The following MRO variants were observed in gnomAD, a reference collection of about 807,000 sequenced individuals.
MRO encodes the protein protein maestro.
MRO carries 28 observed loss-of-function variants against 31.0 expected under a neutral mutation model. The observed-to-expected ratio is 0.90, with a 90% CI of 0.67 to 1.24. The LOEUF is 1.24. Among genes scored for constraint, MRO ranks in the 50% most tolerant of loss-of-function variants. The pLI, the probability that MRO is intolerant of heterozygous loss-of-function variation, is 0.00. For missense variants in MRO, 332 were observed against 289.2 expected (o/e 1.15, Z -1.07); for synonymous variants, 108 against 108.4 (o/e 1.00, Z 0.02).
chr18:50,811,883 A>C (rs1438404655), intron 2 of MRO, among the ~76,000 whole-genome samples: 1 of 150,766 alleles, frequency 6.6e-6, no homozygotes, highest in Non-Finnish European at 1.5e-5. Flanking sequence ...CTGGGATTAC[A>C]GGCGTACGCC....
chr18:50,805,369 C>T, intron 4 of MRO, 33 bp from the exon 5 acceptor site: 1 of 1,596,656 alleles, frequency 6.3e-7, no homozygotes, highest in Non-Finnish European at 8.6e-7. Context: ...AGTAATAGCA[C>T]AGGAACTGCT....
At chr18:50,803,909 G>A (rs1221122069) in intron 5 of MRO, among the ~76,000 whole-genome samples, 7 of 152,210 alleles carry the variant, frequency 4.6e-5, no homozygotes, top group Non-Finnish European at 7.3e-5. Context: ...CAGAATAACT[G>A]GCAGGCTAAC....
At chr18:50,822,284 T>TTTAGACAGGAGATAAGG (rs1440612905), upstream of MRO, among the ~76,000 whole-genome samples, 1 of 71,800 alleles carries the variant, frequency 1.4e-5, no homozygotes, top group Non-Finnish European at 3.6e-5. Flanking sequence ...ATTCACCTTG[T>TTTAGACAGGAGATAAGG]ATGTGAATTA....
At chr18:50,809,142 CTCAAAAAAAAA>C (rs1463926749) in intron 3 of MRO, among the ~76,000 whole-genome samples, 149 bp downstream of exon 3, 6 of 66,446 alleles carry the variant, frequency 9.0e-5, no homozygotes, top group Non-Finnish European at 1.2e-4. Context: ...GAGACTCCGT[CTCAAAAAAAAA>C]AAAAAAAAAA....
At position 50,799,149 on chromosome 18, in the gene MRO, A is replaced by G; in HGVS notation, c.*188T>C. On this transcript the variant is annotated 3_prime_UTR_variant, in exon 8 of 8. Transcript: ENST00000398439. ...ATGAAATAAGTGAAAGCAGTCTAGA[A>G]TTTTACTTTAGATAAAATCATACAA... 1 of 569,192 alleles carries G rather than the reference A, an allele frequency of 1.8e-6. No individual in the cohort carries two copies. The highest frequency in any genetic ancestry group is 3.2e-6 in the Non-Finnish European group (1 of 316,644). The allele number at this position is 569,192 out of a possible 1,614,324, so 35.3% of individuals were successfully genotyped here.
Position 50,804,829 on chromosome 18 carries a change from A to G in MRO, c.429+325T>C, listed in dbSNP as rs547929733. ...TTTATTTGAGAGGGAGTCTTGCTCT[A>G]TTGCCAGGCTGGAGTGCAGTGGCGT... On this transcript the variant is annotated intron_variant, in intron 5 of 7. Coordinates refer to ENST00000398439, the MANE Select transcript of MRO (RefSeq NM_031939.6). Among the ~76,000 whole-genome samples, 4 of 151,314 alleles carry G rather than the reference A, an allele frequency of 2.6e-5. No homozygotes were observed. In the South Asian group the frequency reaches 6.4e-4, roughly 24 times the overall value.
intron 3 of MRO, among the ~76,000 whole-genome samples, 164 bp from the exon 4 acceptor site, chr18:50,807,014 G>T (rs1914011986): frequency 6.6e-6 from 1 of 152,042 alleles, no homozygotes; most frequent in African/African-American, 2.4e-5. Flanking sequence ...GTACTCATTT[G>T]GTCTACATAA....
In MRO at chr18:50,809,287, T is replaced by C; in HGVS notation, c.99+15A>G. 2 of 1,596,208 alleles carry C rather than the reference T, an allele frequency of 1.3e-6. 1 individual carries two copies. The highest frequency in any genetic ancestry group is 3.3e-4 in the Middle Eastern group (2 of 6,026). On this transcript the variant is annotated intron_variant, in intron 3 of 7. Transcript: ENST00000398439. ...GCTGGGAGGAGAAATTTGTTCATAA[T>C]ATTTTGTGTCAGACCTTGGAAAAGA...
chr18:50,817,494 A>AAAAAAT, intron 2 of MRO, among the ~76,000 whole-genome samples: 1 of 150,246 alleles, frequency 6.7e-6, no homozygotes, highest in South Asian at 2.1e-4. Flanking sequence ...TCCTGTCTCT[A>AAAAAAT]AAAAATAAAA....
At chr18:50,824,911 C>T (rs1915456651), upstream of MRO, among the ~76,000 whole-genome samples, 1 of 150,978 alleles carries the variant, frequency 6.6e-6, no homozygotes, top group Non-Finnish European at 1.5e-5. Flanking sequence ...CCTGTCTCCA[C>T]TAAAAATACA....
intron 5 of MRO, 118 bp downstream of exon 5, chr18:50,805,036 C>A (rs554227210): frequency 5.2e-6 from 4 of 768,952 alleles, no homozygotes. Flanking sequence ...GTGATCCCAC[C>A]CGCCTCGGCC....
intron 2 of MRO, among the ~76,000 whole-genome samples, chr18:50,813,825 A>T (rs562164591): frequency 1.3e-5 from 2 of 152,288 alleles, no homozygotes; most frequent in South Asian, 4.1e-4. Context: ...CACAGACACC[A>T]GGGCCTACTT....
Position 50,819,607 on chromosome 18 carries a change from G to T in MRO, c.-31C>A, listed in dbSNP as rs562400801. On this transcript the variant is annotated 5_prime_UTR_variant, in exon 2 of 8. Coordinates refer to ENST00000398439, the MANE Select transcript of MRO (RefSeq NM_031939.6). ...TGCGGCTCCTGCAGGCGGCTGCCAC[G>T]TGATGAACCGGAGCCCGTTCCTGAC... 4 of 1,551,622 alleles carry T rather than the reference G, an allele frequency of 2.6e-6. No homozygotes were observed. Among genetic ancestry groups the T allele is most frequent in the Admixed American group, 2.0e-5 (1 of 50,992 alleles).
In MRO at chr18:50,806,750, A is replaced by G; in HGVS notation, c.200T>C (p.Met67Thr). The change falls in exon 4 of 8, where the codon ATG becomes ACG. Residue 67 changes from methionine (M) to threonine (T), a missense_variant. Coordinates refer to ENST00000398439, the MANE Select transcript of MRO (RefSeq NM_031939.6). ...CATGGTTCCCAAGTTTCTCATTGCCATGTGACGCTTTTTAGCACTGGGGTC... is the reference window on the plus strand; with the variant it reads ...CATGGTTCCCAAGTTTCTCATTGCCGTGTGACGCTTTTTAGCACTGGGGTC... Reference protein sequence around the residue: ...ARDPSAKKRHMAMRNLGTMAY... With the variant: ...ARDPSAKKRHTAMRNLGTMAY... 2 of 1,614,120 alleles carry G rather than the reference A, an allele frequency of 1.2e-6. No homozygotes were observed. Among genetic ancestry groups the G allele is most frequent in the Non-Finnish European group, 1.7e-6 (2 of 1,180,016 alleles).
rs1259707186 is a variant in MRO at position 50,796,216 on chromosome 18, G to A, written c.*3121C>T. 6.6e-6 allele frequency: 1 copy of A among 152,152 alleles called. No individual in the cohort carries two copies. The highest frequency in any genetic ancestry group is 2.4e-5 in the African/African-American group (1 of 41,434). The allele number at this position is 152,152 out of a possible 1,614,324, so 9.4% of individuals were successfully genotyped here. The stretch of plus-strand genomic sequence containing the variant: ...AACCTGTACATTGGTTATAAGGAAT[G>A]AAATTGGTGACCCTCATTTGTCAAA... On this transcript the variant is annotated 3_prime_UTR_variant, in exon 8 of 8. Coordinates refer to ENST00000398439, the MANE Select transcript of MRO (RefSeq NM_031939.6).
intron 2 of MRO, chr18:50,814,588 C>A (rs534743605): frequency 3.8e-5 from 8 of 212,298 alleles, no homozygotes; most frequent in Non-Finnish European, 7.0e-5. Context: ...AAAGTGTGCT[C>A]AACCACATAA....
chr18:50,801,390 G>A lies in MRO; in HGVS notation c.544C>T (p.Leu182Phe), dbSNP rs1210717791. ...TTTCTGTCCTGTAAATGGATCAGGAGGGAATCTCGTGTCTGCTTAACCTGA... is the reference window on the plus strand; with the variant it reads ...TTTCTGTCCTGTAAATGGATCAGGAAGGAATCTCGTGTCTGCTTAACCTGA... ...TSQVKQTRDS[L>F]LIHLQDRNPQ... Residue 182 changes from leucine to phenylalanine, a missense_variant, in exon 6 of 8, where the codon CTC (leucine) becomes TTC (phenylalanine). Physicochemically the swap from Leu to Phe is conservative, Grantham distance 22. Coordinates refer to ENST00000398439, the MANE Select transcript of MRO (RefSeq NM_031939.6). 2 of 1,610,786 alleles carry A rather than the reference G, an allele frequency of 1.2e-6. No individual in the cohort carries two copies. Among genetic ancestry groups the A allele is most frequent in the Non-Finnish European group, 1.7e-6 (2 of 1,177,936 alleles).
intron 7 of MRO, 92 bp from the exon 8 acceptor site, chr18:50,799,482 G>A: frequency 9.1e-7 from 1 of 1,093,654 alleles, no homozygotes; most frequent in Non-Finnish European, 1.4e-6. Flanking sequence ...TGCAGGGCAT[G>A]TGGATAAGCA....
At chr18:50,805,532 G>T (rs931210053) in intron 4 of MRO, among the ~76,000 whole-genome samples, 196 bp from the exon 5 acceptor site, 1 of 152,132 alleles carries the variant, frequency 6.6e-6, no homozygotes, top group African/African-American at 2.4e-5. Context: ...AGCCTAGGAA[G>T]GAAAACAGAA....
Sources: allele counts gnomAD v4.1 joint callset (sites outside exome capture counted in the v4.1 genomes callset), GRCh38; gene constraint gnomAD v4.1.1; transcripts MANE v1.5; gene names NCBI Gene and HGNC (gene_info 2026-07-23, HGNC 2026-07-21).